The following SLC30A7 variants were observed in gnomAD, a reference collection of about 807,000 sequenced individuals.
SLC30A7 encodes the protein solute carrier family 30 member 7.
SLC30A7 carries 35 observed loss-of-function variants against 46.0 expected under a neutral mutation model. The observed-to-expected ratio is 0.76, with a 90% confidence interval of 0.58 to 1.01. The LOEUF is 1.01. Among genes scored for constraint, SLC30A7 ranks in the 50% least tolerant of loss-of-function variants. The pLI, the probability that SLC30A7 is intolerant of heterozygous loss-of-function variation, is 0.00. For synonymous variants in SLC30A7, 147 were observed against 157.8 expected, an observed-to-expected ratio of 0.93 and a Z score of 0.51; for missense variants, 464 against 451.1, an observed-to-expected ratio of 1.03 and a Z score of -0.26.
At chr1:100,957,406 A>G (rs562506827) in intron 8 of SLC30A7, among the ~76,000 whole-genome samples, 1 of 152,302 alleles carries the variant, frequency 6.6e-6, no homozygotes, top group Non-Finnish European at 1.5e-5. Flanking sequence ...AAAACAATTT[A>G]TATTTTCTTT....
intron 8 of SLC30A7, among the ~76,000 whole-genome samples, chr1:100,945,951 C>T (rs1654611130): frequency 6.6e-6 from 1 of 151,932 alleles, no homozygotes; most frequent in Non-Finnish European, 1.5e-5. Context: ...TTTGTGTCCT[C>T]TTATTTCATT....
At chr1:100,971,553 A>T (rs1034104293) in intron 10 of SLC30A7, among the ~76,000 whole-genome samples, 1 of 152,082 alleles carries the variant, frequency 6.6e-6, no homozygotes, top group Non-Finnish European at 1.5e-5. Context: ...CTGGTTGATG[A>T]ATAGTGGTGG....
the SLC30A7 span, among the ~76,000 whole-genome samples, chr1:100,988,043 T>G: frequency 6.6e-6 from 1 of 152,170 alleles, no homozygotes; most frequent in Non-Finnish European, 1.5e-5. Flanking sequence ...TTCTTGAGCC[T>G]TCCAACTGTG....
At chr1:100,965,386 T>C (rs1655805940) in intron 9 of SLC30A7, among the ~76,000 whole-genome samples, 1 of 152,244 alleles carries the variant, frequency 6.6e-6, no homozygotes. Context: ...ATCTAATGTT[T>C]CATCCGTATT....
At chr1:100,915,869 ACCAGTT>A (rs1343105011) in intron 6 of SLC30A7, among the ~76,000 whole-genome samples, 25 of 152,270 alleles carry the variant, frequency 1.6e-4, no homozygotes, top group African/African-American at 6.0e-4. Flanking sequence ...TAGTGTCTGC[ACCAGTT>A]TACATTGCCA....
intron 2 of SLC30A7, among the ~76,000 whole-genome samples, chr1:100,902,348 C>T (rs570918882): frequency 6.6e-6 from 1 of 152,238 alleles, no homozygotes; most frequent in South Asian, 2.1e-4. Flanking sequence ...GCTATATCCA[C>T]ACCTCTTTAA....
At chr1:100,985,185 A>G (rs1294074770), downstream of SLC30A7, among the ~76,000 whole-genome samples, 1 of 152,250 alleles carries the variant, frequency 6.6e-6, no homozygotes. Flanking sequence ...CCTGTTGGAC[A>G]GTAAGAAATG....
chr1:100,945,865 A>G (rs543635298), intron 8 of SLC30A7, among the ~76,000 whole-genome samples: 1 of 152,260 alleles, frequency 6.6e-6, no homozygotes, highest in East Asian at 1.9e-4. Flanking sequence ...TGAATCTATA[A>G]ATTACCTTGG....
chr1:100,899,498 A>G (rs906681052), intron 2 of SLC30A7, among the ~76,000 whole-genome samples: 1 of 152,126 alleles, frequency 6.6e-6, no homozygotes, highest in Non-Finnish European at 1.5e-5. Context: ...TAGTGTAACA[A>G]TGTGGTTTTG....
downstream of SLC30A7, among the ~76,000 whole-genome samples, chr1:100,982,081 C>A (rs1424327672): frequency 6.6e-6 from 1 of 152,160 alleles, no homozygotes; most frequent in Admixed American, 6.5e-5. Context: ...ACGTGAAGAC[C>A]AAAACATCTG....
At chr1:100,970,706 C>T (rs912429765) in intron 10 of SLC30A7, among the ~76,000 whole-genome samples, 1 of 146,542 alleles carries the variant, frequency 6.8e-6, no homozygotes, top group African/African-American at 2.5e-5. Flanking sequence ...AAATGGGATA[C>T]TAGATTAGGA....
intron 10 of SLC30A7, among the ~76,000 whole-genome samples, chr1:100,969,490 G>C (rs1003342908): frequency 6.6e-6 from 1 of 152,176 alleles, no homozygotes; most frequent in Non-Finnish European, 1.5e-5. Flanking sequence ...TTTTAGAAAT[G>C]TGCAAGCAGC....
intron 2 of SLC30A7, among the ~76,000 whole-genome samples, chr1:100,902,183 G>A (rs896264931): frequency 2.0e-5 from 3 of 152,110 alleles, no homozygotes; most frequent in Admixed American, 6.5e-5. Context: ...ATATTGCAGT[G>A]TTTTAAGAGA....
At chr1:100,910,653 G>T (rs1652022784) in intron 3 of SLC30A7, among the ~76,000 whole-genome samples, 1 of 152,112 alleles carries the variant, frequency 6.6e-6, no homozygotes, top group African/African-American at 2.4e-5. Context: ...TAGAAAAAGA[G>T]AAATTAATAA....
chr1:100,973,155 G>C (rs116299255), intron 10 of SLC30A7, among the ~76,000 whole-genome samples: 8 of 151,788 alleles, frequency 5.3e-5, no homozygotes, highest in African/African-American at 1.7e-4. Flanking sequence ...TTATCCATTC[G>C]AGTAGTTCCT....
chr1:100,938,537 A>G (rs1470447303), intron 8 of SLC30A7, among the ~76,000 whole-genome samples: 1 of 152,190 alleles, frequency 6.6e-6, no homozygotes, highest in Admixed American at 6.5e-5. Flanking sequence ...AACAATGCTC[A>G]TTTATTATCT....
intron 7 of SLC30A7, among the ~76,000 whole-genome samples, chr1:100,921,001 T>G (rs951807464): frequency 6.6e-6 from 1 of 152,118 alleles, no homozygotes; most frequent in Non-Finnish European, 1.5e-5. Flanking sequence ...TAAATGGTTT[T>G]CTGGGCAACT....
intron 2 of SLC30A7, among the ~76,000 whole-genome samples, chr1:100,902,390 AATTTTT>A (rs1310471194): frequency 6.6e-6 from 1 of 152,140 alleles, no homozygotes; most frequent in Admixed American, 6.5e-5. Flanking sequence ...GTGCAAAAGG[AATTTTT>A]ATTTTTATTT....
chr1:100,903,852 T>A (rs967035969), intron 2 of SLC30A7, among the ~76,000 whole-genome samples: 2 of 152,144 alleles, frequency 1.3e-5, no homozygotes, highest in African/African-American at 4.8e-5. Flanking sequence ...TGACTTTTAG[T>A]TTGTAGCACT....
Sources: gnomAD v4.1 joint callset for allele counts (sites outside exome capture counted in the v4.1 genomes callset) on GRCh38, gnomAD v4.1.1 for gene constraint, MANE v1.5 for transcripts, NCBI Gene and HGNC (gene_info 2026-07-23, HGNC 2026-07-21) for gene names.